The following RALGAPA2 variants were observed in gnomAD, a reference collection of about 807,000 sequenced individuals.
RALGAPA2 encodes Ral GTPase activating protein catalytic subunit alpha 2, also known as ral GTPase-activating protein subunit alpha-2.
A neutral mutation model predicts 230.4 loss-of-function variants in RALGAPA2; 139 were observed. The ratio of observed to expected loss-of-function variants is 0.60; its 90% confidence interval spans 0.53 to 0.69. The LOEUF is 0.69. Ranked by LOEUF, RALGAPA2 falls within the 30% of genes least tolerant of loss-of-function variation. The pLI is 0.00. For missense variants in RALGAPA2, 2,163 were observed against 2,276.0 expected, an observed-to-expected ratio of 0.95 and a Z score of 1.01; for synonymous variants, 847 against 837.8, an observed-to-expected ratio of 1.01 and a Z score of -0.19.
chr20:20,666,709 A>T (rs2067966875), intron 3 of RALGAPA2, among the ~76,000 whole-genome samples: 2 of 152,238 alleles, frequency 1.3e-5, no homozygotes, highest in Admixed American at 1.3e-4. Flanking sequence ...ATTTGCTTAT[A>T]AGAAAAGCCA....
intron 17 of RALGAPA2, 28 bp downstream of exon 17, chr20:20,591,149 T>C (rs756207284): frequency 6.2e-7 from 1 of 1,608,138 alleles, no homozygotes; most frequent in Non-Finnish European, 8.5e-7. Context: ...TCTATAGTTC[T>C]GTATTAAACA....
At chr20:20,648,165 G>T (rs2067279422) in intron 4 of RALGAPA2, among the ~76,000 whole-genome samples, 1 of 152,128 alleles carries the variant, frequency 6.6e-6, no homozygotes, top group East Asian at 1.9e-4. Context: ...AAATTAGAAG[G>T]AATGAACTAT....
In RALGAPA2 at chr20:20,546,790, A is replaced by G; in HGVS notation, c.3199T>C (p.Phe1067Leu). The change falls in exon 24 of 40, where the codon TTC (phenylalanine) becomes CTC (leucine). Residue 1067 changes from phenylalanine (F) to leucine (L), a missense_variant. Coordinates refer to ENST00000202677, the MANE Select transcript of RALGAPA2 (RefSeq NM_020343.4). ...TIIRHCPPRF[F>L]SLGFPGFSML... Reference sequence around the variant, plus strand: ...GAGAAGCCAGGAAAACCCAGGGAGAAAAAGCGGGGTGGACAGTGCCTTATG... The same window carrying G: ...GAGAAGCCAGGAAAACCCAGGGAGAGAAAGCGGGGTGGACAGTGCCTTATG... The G allele has an allele frequency of 6.2e-7, 1 of 1,611,950 alleles. No individual in the cohort carries two copies.
chr20:20,541,809 C>T (rs1263404606), intron 24 of RALGAPA2, among the ~76,000 whole-genome samples: 5 of 152,202 alleles, frequency 3.3e-5, no homozygotes, highest in Non-Finnish European at 5.9e-5. Context: ...CCTAGCCACA[C>T]TGACAGAAAA....
chr20:20,629,974 T>C (rs182020269), intron 9 of RALGAPA2, among the ~76,000 whole-genome samples: 15 of 152,352 alleles, frequency 9.8e-5, no homozygotes, highest in African/African-American at 3.6e-4. Context: ...GTCACAGAGA[T>C]TGGAATATTC....
Position 20,546,810 on chromosome 20 carries a change from C to T in RALGAPA2, c.3179G>A (p.Arg1060Lys), listed in dbSNP as rs565237231. ...EDQDILNTII[R>K]HCPPRFFSLG... ...GGAGAAAAAGCGGGGTGGACAGTGC[C>T]TTATGATCGTATTTAAGATATCCTA... The change falls in exon 24 of 40, where the codon AGG becomes AAG. Residue 1060 changes from arginine (R) to lysine (K), a missense_variant. Arg to Lys is a conservative substitution (Grantham distance 26, BLOSUM62 2). Coordinates refer to ENST00000202677, the MANE Select transcript of RALGAPA2 (RefSeq NM_020343.4). 7.5e-6 allele frequency: 12 copies of T among 1,598,270 alleles called. No individual in the cohort carries two copies. In the Admixed American group the frequency reaches 2.0e-4, roughly 27 times the overall value.
chr20:20,638,785 A>C (rs1050749368), intron 7 of RALGAPA2, among the ~76,000 whole-genome samples: 1 of 152,240 alleles, frequency 6.6e-6, no homozygotes, highest in Non-Finnish European at 1.5e-5. Flanking sequence ...AGGATTGTGA[A>C]GTCCTGTGTT....
At chr20:20,603,062 CAG>C (rs2065708902) in intron 15 of RALGAPA2, among the ~76,000 whole-genome samples, 2 of 152,198 alleles carry the variant, frequency 1.3e-5, no homozygotes, top group African/African-American at 4.8e-5. Flanking sequence ...TCAGAGCTGT[CAG>C]AGAGGACTAG....
intron 37 of RALGAPA2, among the ~76,000 whole-genome samples, chr20:20,458,907 A>G (rs570547649): frequency 1.7e-5 from 2 of 115,090 alleles, no homozygotes; most frequent in East Asian, 5.2e-4. Flanking sequence ...ATATATATAT[A>G]CCAATACAAC....
chr20:20,395,123 C>G (rs1478661984), intron 39 of RALGAPA2, among the ~76,000 whole-genome samples: 1 of 152,182 alleles, frequency 6.6e-6, no homozygotes, highest in African/African-American at 2.4e-5. Flanking sequence ...CAGCAGGAAG[C>G]TCTGCAGAGA....
intron 37 of RALGAPA2, among the ~76,000 whole-genome samples, chr20:20,425,260 C>T (rs1482625600): frequency 2.0e-5 from 3 of 152,186 alleles, no homozygotes; most frequent in African/African-American, 7.2e-5. Context: ...TGAAATCAGA[C>T]TAGGCTCAGG....
intron 16 of RALGAPA2, among the ~76,000 whole-genome samples, chr20:20,595,682 G>A (rs539217889): frequency 1.4e-4 from 22 of 152,238 alleles, no homozygotes; most frequent in Non-Finnish European, 2.8e-4. Context: ...GACCGGACGT[G>A]GTGGCTCACA....
chr20:20,560,450 A>G (rs984569502), intron 23 of RALGAPA2, among the ~76,000 whole-genome samples: 6 of 152,248 alleles, frequency 3.9e-5, no homozygotes, highest in Admixed American at 6.5e-5. Flanking sequence ...AATAGCATTA[A>G]TAGCTGAACA....
intron 3 of RALGAPA2, among the ~76,000 whole-genome samples, chr20:20,664,407 T>C (rs1476710872): frequency 6.6e-6 from 1 of 152,200 alleles, no homozygotes; most frequent in Non-Finnish European, 1.5e-5. Context: ...ATTTTTTTAA[T>C]GACGGAACGA....
chr20:20,550,557 T>C (rs115733767), intron 23 of RALGAPA2, among the ~76,000 whole-genome samples: 111 of 152,288 alleles, frequency 7.3e-4, no homozygotes, highest in African/African-American at 2.6e-3. Context: ...TTCTACTGTG[T>C]GATTCAATGC....
chr20:20,683,228 C>T (rs1477553311), intron 1 of RALGAPA2, among the ~76,000 whole-genome samples: 1 of 152,200 alleles, frequency 6.6e-6, no homozygotes, highest in Non-Finnish European at 1.5e-5. Context: ...GTCTGTGTGG[C>T]CATGAACCCT....
intron 16 of RALGAPA2, among the ~76,000 whole-genome samples, chr20:20,599,596 T>C (rs1241847031): frequency 6.6e-6 from 1 of 152,218 alleles, no homozygotes; most frequent in African/African-American, 2.4e-5. Flanking sequence ...TCAGTTAACA[T>C]TAATGAAATG....
chr20:20,439,357 C>T (rs892996998), intron 37 of RALGAPA2, among the ~76,000 whole-genome samples: 6 of 151,984 alleles, frequency 3.9e-5, no homozygotes, highest in African/African-American at 1.4e-4. Context: ...GGACTACAGG[C>T]GCACACCACC....
At chr20:20,430,929 C>A (rs1465758049) in intron 37 of RALGAPA2, among the ~76,000 whole-genome samples, 2 of 152,016 alleles carry the variant, frequency 1.3e-5, no homozygotes, top group African/African-American at 4.8e-5. Flanking sequence ...GACGTTAACT[C>A]ATGGTCCCTA....
Sources: allele counts gnomAD v4.1 joint callset (sites outside exome capture counted in the v4.1 genomes callset), GRCh38; gene constraint gnomAD v4.1.1; transcripts MANE v1.5; gene names NCBI Gene and HGNC (gene_info 2026-07-23, HGNC 2026-07-21).